The following CROCC2 variants were observed in gnomAD, a reference collection of about 807,000 sequenced individuals.
The protein encoded by CROCC2 is ciliary rootlet coiled-coil, rootletin family member 2.
A neutral mutation model predicts 177.6 loss-of-function variants in CROCC2; 163 were observed. The observed-to-expected ratio is 0.92, with a 90% CI of 0.81 to 1.05. The LOEUF is 1.05. Ranked by LOEUF, CROCC2 falls within the 50% of genes least tolerant of loss-of-function variation. CROCC2 has a pLI of 0.00. For synonymous variants in CROCC2, 904 were observed against 787.3 expected (o/e 1.15, Z -2.48); for missense variants, 1,929 against 1,797.8 (o/e 1.07, Z -1.32).
At position 240,983,017 on chromosome 2, in the gene CROCC2, G is replaced by A; in HGVS notation, c.4539G>A (p.Glu1513=). 1 of 1,550,256 alleles carries A rather than the reference G, an allele frequency of 6.5e-7. No individual in the cohort carries two copies. The highest frequency in any genetic ancestry group is 1.2e-5 in the South Asian group (1 of 84,002). The change falls in exon 28 of 32, where the codon GAG becomes GAA. Residue 1513 remains glutamate, a synonymous_variant. Transcript: ENST00000690015. ...GCCAGAAGGCTGAGGTATCGCTGGA[G>A]CCCCTGCGACAGGTGAGGGTGACCA... ...HRCQKAEVSL[E]PLRQMEQETL...
chr2:240,950,565 C>G (rs80189323), intron 18 of CROCC2, 55 bp downstream of exon 18: 1 of 1,502,922 alleles, frequency 6.7e-7, no homozygotes, highest in African/African-American at 1.4e-5. Context: ...CACCTGTCAC[C>G]TCTGGCCCAG....
chr2:240,966,489 C>T (rs889911345), intron 25 of CROCC2, 80 bp downstream of exon 25: 9 of 398,538 alleles, frequency 2.3e-5, no homozygotes, highest in African/African-American at 6.2e-5. Flanking sequence ...TCCATCCATC[C>T]GCGCGTCCCT....
chr2:240,929,535 C>T lies in CROCC2; in HGVS notation c.646-631C>T, dbSNP rs74000146. The T allele has an allele frequency of 1.0e-5, 4 of 389,758 alleles. No individual in the cohort carries two copies. The East Asian group carries it at 2.9e-4, about 28-fold the overall frequency. The allele number at this position is 389,758 out of a possible 1,614,324, so 24.1% of individuals were successfully genotyped here. A position where few individuals can be genotyped will look rare whatever the true frequency, so the allele number is the denominator to read the frequency against. The stretch of plus-strand genomic sequence containing the variant: ...CCCCACACAGAGTCCTCCCACTCCG[C>T]TCCGTTACAGCCTAATCACTGGCCT... On this transcript the variant is annotated intron_variant, in intron 5 of 31. Transcript: ENST00000690015.
In CROCC2 at chr2:240,918,781, C is replaced by T; in HGVS notation, c.134C>T (p.Thr45Ile). 3.4e-6 allele frequency: 2 copies of T among 592,454 alleles called. No individual in the cohort carries two copies. Among genetic ancestry groups the T allele is most frequent in the Middle Eastern group, 5.2e-4 (2 of 3,846 alleles). 36.7% of individuals were successfully genotyped at this position (592,454 alleles called of 1,614,324 possible). A position where few individuals can be genotyped will look rare whatever the true frequency, so the allele number is the denominator to read the frequency against. ...GCCAGCAGGGAAGACCGGGCGCTGA[C>T]CGTGCGTGGGGAAGGCCGGCAGGCC... is the stretch of plus-strand genomic sequence containing the variant. ...PTASREDRAL[T>I]VRGEGRQASP... is the part of the protein sequence containing the mutation. Residue 45 changes from threonine to isoleucine, a missense_variant, in exon 2 of 32, where the codon ACC becomes ATC. By Grantham distance (89) the Thr-to-Ile change is moderately conservative. Around this residue, in one of 3 missense-constraint regions of CROCC2, gnomAD observed 1,397 missense variants for 1,239.9 expected, o/e 1.13. Coordinates refer to ENST00000690015, the MANE Select transcript of CROCC2 (RefSeq NM_001351305.2). The surrounding 1 kb of genome is among the most constrained non-coding windows in gnomAD (Gnocchi z 6.3).
chr2:240,922,857 A>G (rs1050809235), intron 4 of CROCC2, among the ~76,000 whole-genome samples: 4 of 151,996 alleles, frequency 2.6e-5, no homozygotes, highest in African/African-American at 9.7e-5. Flanking sequence ...GACTGACTTG[A>G]GTGGCTGGGC....
intron 14 of CROCC2, among the ~76,000 whole-genome samples, chr2:240,937,062 C>T (rs141428253): frequency 5.9e-5 from 9 of 152,340 alleles, no homozygotes; most frequent in East Asian, 1.9e-4. Context: ...TAGGGAACAA[C>T]CAAGCAGCTT....
chr2:240,938,878 A>G lies in CROCC2; in HGVS notation c.2169+3290A>G, dbSNP rs1042747963. Among the ~76,000 whole-genome samples the G allele has an allele frequency of 9.2e-5, 14 of 152,310 alleles. No individual in the cohort carries two copies. In the Middle Eastern group the frequency reaches 0.014, roughly 148 times the overall value. ...CATTATTATAGAAATACAATTTCATATGTTTATTTTGAGTCATGTGACCTT... is the reference window on the plus strand; with the variant it reads ...CATTATTATAGAAATACAATTTCATGTGTTTATTTTGAGTCATGTGACCTT... On this transcript the variant is annotated intron_variant, in intron 14 of 31. Transcript: ENST00000690015.
intron 15 of CROCC2, among the ~76,000 whole-genome samples, chr2:240,948,043 G>C (rs2059533618): frequency 6.6e-6 from 1 of 152,184 alleles, no homozygotes; most frequent in Non-Finnish European, 1.5e-5. Context: ...GGGCCTCTAG[G>C]AGGAGGGGTT....
At chr2:240,923,056 T>G (rs1400993825) in intron 4 of CROCC2, among the ~76,000 whole-genome samples, 1 of 152,046 alleles carries the variant, frequency 6.6e-6, no homozygotes, top group Non-Finnish European at 1.5e-5. Context: ...TACCCATCGC[T>G]ATCAGACCCC....
At chr2:240,932,287 CT>C in intron 7 of CROCC2, 30 bp from the exon 8 acceptor site, 1 of 699,738 alleles carries the variant, frequency 1.4e-6, no homozygotes. Context: ...GGGCCCTGCC[CT>C]TCACCCCCAC....
At chr2:240,930,291 TG>T in intron 6 of CROCC2, 22 bp downstream of exon 6, 1 of 494,246 alleles carries the variant, frequency 2.0e-6, no homozygotes, top group Non-Finnish European at 3.7e-6. Context: ...CCGCCCCACC[TG>T]GGGCCAGGCA....
At chr2:240,967,971 G>T (rs1187665385) in intron 26 of CROCC2, among the ~76,000 whole-genome samples, 158 bp from the exon 27 acceptor site, 1 of 152,064 alleles carries the variant, frequency 6.6e-6, no homozygotes, top group African/African-American at 2.4e-5. Context: ...TGGGTGGGAA[G>T]CCGGGACCCT....
intron 5 of CROCC2, among the ~76,000 whole-genome samples, chr2:240,928,478 G>A (rs1274677998): frequency 2.0e-5 from 3 of 148,074 alleles, no homozygotes; most frequent in Admixed American, 6.9e-5. Flanking sequence ...TACACTCCCC[G>A]ATGGTCTGTG....
At chr2:240,909,599 G>T (rs2059274976) in intron 1 of CROCC2, among the ~76,000 whole-genome samples, 1 of 152,228 alleles carries the variant, frequency 6.6e-6, no homozygotes, top group South Asian at 2.1e-4. Flanking sequence ...GGAATCCCAG[G>T]CCGATGCTGA....
intron 11 of CROCC2, 50 bp downstream of exon 11, chr2:240,933,902 C>G: frequency 2.0e-6 from 3 of 1,508,364 alleles, no homozygotes; most frequent in Non-Finnish European, 2.7e-6. Flanking sequence ...GAAGAGACCC[C>G]ACTCTGCCAC....
chr2:240,922,486 T>C (rs758027553), intron 3 of CROCC2, 53 bp from the exon 4 acceptor site: 3 of 653,194 alleles, frequency 4.6e-6, no homozygotes, highest in Non-Finnish European at 8.5e-6. Flanking sequence ...CCCCAGCCCC[T>C]GCCTGGCGGG....
chr2:240,950,747 C>T (rs1049947855), intron 18 of CROCC2: 2 of 502,774 alleles, frequency 4.0e-6, no homozygotes, highest in Non-Finnish European at 7.0e-6. Flanking sequence ...ATCCATCCAT[C>T]CTTCCACCCA....
chr2:240,922,105 C>T (rs1433753239), intron 3 of CROCC2, among the ~76,000 whole-genome samples: 1 of 152,162 alleles, frequency 6.6e-6, no homozygotes, highest in Non-Finnish European at 1.5e-5. Flanking sequence ...GTGCCTGAAC[C>T]AAGCCCTGAA....
chr2:240,915,393 T>C (rs1482141999), intron 1 of CROCC2, among the ~76,000 whole-genome samples: 1 of 152,172 alleles, frequency 6.6e-6, no homozygotes, highest in Non-Finnish European at 1.5e-5. Context: ...TGGTGGCCAG[T>C]TGGGGGCAGG....
Sources: gnomAD v4.1 joint callset for allele counts (sites outside exome capture counted in the v4.1 genomes callset) on GRCh38, gnomAD v4.1.1 for gene constraint, gnomAD v4.1.1 regional missense constraint, Gnocchi (gnomAD v3.1) non-coding constraint, MANE v1.5 for transcripts, NCBI Gene and HGNC (gene_info 2026-07-23, HGNC 2026-07-21) for gene names.